The following IPO13 variants were observed in gnomAD, a reference collection of about 807,000 sequenced individuals.
IPO13 encodes importin 13, also known as importin-13.
Under a neutral mutation model 115.5 loss-of-function variants are expected in IPO13, and 28 were observed. That is an observed-to-expected ratio of 0.24 (90% CI 0.18 to 0.33). IPO13 has a LOEUF of 0.33. Ranked by LOEUF, IPO13 falls within the 10% of genes least tolerant of loss-of-function variation. The probability of loss-of-function intolerance (pLI) is 1.00; values close to 1 mark genes in which losing one functional copy is unlikely to be tolerated. For missense variants in IPO13, 785 were observed against 1,204.6 expected, an observed-to-expected ratio of 0.65 and a Z score of 5.16; for synonymous variants, 414 against 478.9, an observed-to-expected ratio of 0.86 and a Z score of 1.77.
chr1:43,948,877 C>T (rs2085186384), intron 1 of IPO13, among the ~76,000 whole-genome samples: 1 of 152,244 alleles, frequency 6.6e-6, no homozygotes, highest in Non-Finnish European at 1.5e-5. Context: ...TCTCCTCCAG[C>T]ATGTCTGCCC....
At position 43,966,554 on chromosome 1, in the gene IPO13, T is replaced by C. The variant is rs761894444; in HGVS notation, c.2398-21T>C. 3.0e-5 allele frequency: 49 copies of C among 1,613,134 alleles called. No individual in the cohort carries two copies. In the Admixed American group the frequency reaches 5.8e-4, roughly 19 times the overall value. On this transcript the variant is annotated intron_variant, in intron 15 of 19. Transcript: ENST00000372343. This position sits in a 1 kb window ranked among gnomAD's most constrained non-coding sequence, Gnocchi z 4.1. Reference sequence around the variant, plus strand: ...CCTTGGAGCTGGCTGGGGCTGGGCTTACCAGCTCCACCTCCTGCAGGCTCT... The same window carrying C: ...CCTTGGAGCTGGCTGGGGCTGGGCTCACCAGCTCCACCTCCTGCAGGCTCT...
rs1267900955 is a variant in IPO13, at chr1:43,956,798, T to C, written c.1105-12T>C. ...TGGTGAGGTGGCTAATTCTCTTCCC[T>C]GGCTCTCTCAGGATGATATTCTATC... On this transcript the variant is annotated splice_polypyrimidine_tract_variant and intron_variant, in intron 4 of 19. Transcript: ENST00000372343. This position sits in a 1 kb window ranked among gnomAD's most constrained non-coding sequence, Gnocchi z 4.7. 6.2e-7 allele frequency: 1 copy of C among 1,613,980 alleles called. No individual in the cohort carries two copies. Among genetic ancestry groups the C allele is most frequent in the East Asian group, 2.2e-5 (1 of 44,880 alleles).
intron 2 of IPO13, among the ~76,000 whole-genome samples, chr1:43,954,969 C>G (rs2085234068): frequency 6.6e-6 from 1 of 152,210 alleles, no homozygotes; most frequent in Admixed American, 6.5e-5. Flanking sequence ...TTCCACCTCC[C>G]ATTAAAGGTG....
Position 43,968,014 on chromosome 1 carries a change from C to T in IPO13, c.*332C>T, listed in dbSNP as rs2085338965. ...CCCCCCATCCCCATTAAATTAATCCCAACATGCATGTATGCATACATTTAT... is the reference window on the plus strand; with the variant it reads ...CCCCCCATCCCCATTAAATTAATCCTAACATGCATGTATGCATACATTTAT... On this transcript the variant is annotated 3_prime_UTR_variant, in exon 20 of 20. Coordinates refer to ENST00000372343, the MANE Select transcript of IPO13 (RefSeq NM_014652.4). 9.4e-6 allele frequency: 4 copies of T among 427,188 alleles called. No homozygotes were observed. Among genetic ancestry groups the T allele is most frequent in the Non-Finnish European group, 1.7e-5 (4 of 232,146 alleles). The allele number at this position is 427,188 out of a possible 1,614,324, so 26.5% of individuals were successfully genotyped here.
chr1:43,957,496 C>T lies in IPO13; in HGVS notation c.1487C>T (p.Pro496Leu). Residue 496 changes from proline (P) to leucine (L), a missense_variant, in exon 7 of 20, where the codon CCA becomes CTA. Around this residue, in one of 3 missense-constraint regions of IPO13, gnomAD observed 175 missense variants for 360.0 expected, o/e 0.49. Coordinates refer to ENST00000372343, the MANE Select transcript of IPO13 (RefSeq NM_014652.4). ...DVVPGLIGLI[P>L]RISISNVQLA... ...GTGCCTGGGCTCATTGGCCTCATCC[C>T]ACGGATCAGCATCAGCAACGTGCAG... 1 of 1,614,218 alleles carries T rather than the reference C, an allele frequency of 6.2e-7. No individual in the cohort carries two copies. The highest frequency in any genetic ancestry group is 8.5e-7 in the Non-Finnish European group (1 of 1,180,034).
intron 15 of IPO13, among the ~76,000 whole-genome samples, chr1:43,965,360 A>G (rs1462779899): frequency 2.6e-5 from 4 of 151,884 alleles, no homozygotes. Flanking sequence ...GGTACTGAGG[A>G]TATGATAGCG....
In IPO13 at chr1:43,966,692, G is replaced by A. The variant is rs553141026; in HGVS notation, c.2465-32G>A. On this transcript the variant is annotated intron_variant, in intron 16 of 19. Coordinates refer to ENST00000372343, the MANE Select transcript of IPO13 (RefSeq NM_014652.4). This position sits in a 1 kb window ranked among gnomAD's most constrained non-coding sequence, Gnocchi z 4.1. ...GGCCTGGGGCTCCCCTAGAAGGATC[G>A]TTAAACTGATCTGCCTCTGCCTTTC... The A allele has an allele frequency of 2.7e-5, 44 of 1,614,170 alleles. No homozygotes were observed. The highest frequency in any genetic ancestry group is 1.1e-4 in the East Asian group (5 of 44,890).
intron 2 of IPO13, among the ~76,000 whole-genome samples, chr1:43,955,009 T>C (rs1028160865): frequency 6.6e-6 from 1 of 152,150 alleles, no homozygotes; most frequent in African/African-American, 2.4e-5. Context: ...ACCCCACAGG[T>C]CTCAGTAAAT....
In IPO13 at chr1:43,949,635, A is replaced by G. The variant is rs754370368; in HGVS notation, c.303A>G (p.Leu101=). The change falls in exon 2 of 20, where the codon CTA becomes CTG. Residue 101 remains leucine, a synonymous_variant. Transcript: ENST00000372343. ...TCCCCACTGACCAGTATGAAAGCCT[A>G]AAGGCACAGCTCTTCACCCAGATCA... ...SDIPTDQYES[L]KAQLFTQITR... is the part of the protein sequence containing the mutation. The G allele has an allele frequency of 1.9e-6, 3 of 1,614,212 alleles. No homozygotes were observed. Among genetic ancestry groups the G allele is most frequent in the Non-Finnish European group, 8.5e-7 (1 of 1,180,044 alleles).
At chr1:43,953,431 C>G (rs1373411058) in intron 2 of IPO13, 1 of 152,306 alleles carries the variant, frequency 6.6e-6, no homozygotes, top group Non-Finnish European at 1.5e-5. Context: ...TCACAGGTCG[C>G]AGACACAGGT....
chr1:43,961,324 G>GGGGAT, intron 14 of IPO13, 62 bp downstream of exon 14: 1 of 1,385,550 alleles, frequency 7.2e-7, no homozygotes, highest in Non-Finnish European at 1.0e-6. Flanking sequence ...TTCCCCAAAT[G>GGGGAT]GGGAGCCAAA....
chr1:43,947,004 G>T lies in IPO13; in HGVS notation c.-597G>T. 2 of 398,708 alleles carry T rather than the reference G, an allele frequency of 5.0e-6. No homozygotes were observed. The highest frequency in any genetic ancestry group is 3.6e-5 in the East Asian group (1 of 28,072). The allele number at this position is 398,708 out of a possible 1,614,324, so 24.7% of individuals were successfully genotyped here. On this transcript the variant is annotated 5_prime_UTR_variant, in exon 1 of 20. Transcript: ENST00000372343. ...CAGCGGCTGTAGCGGGGCTGTAGCCGGGCGTTGAGCACAGCGCGGGCCAGG... is the reference window on the plus strand; with the variant it reads ...CAGCGGCTGTAGCGGGGCTGTAGCCTGGCGTTGAGCACAGCGCGGGCCAGG...
chr1:43,958,980 G>A lies in IPO13; in HGVS notation c.2028+91G>A, dbSNP rs2085271606. 2.4e-6 allele frequency: 3 copies of A among 1,273,396 alleles called. No homozygotes were observed. The highest frequency in any genetic ancestry group is 1.3e-5 in the South Asian group (1 of 76,184). 78.9% of individuals were successfully genotyped at this position (1,273,396 alleles called of 1,614,324 possible). A position where few individuals can be genotyped will look rare whatever the true frequency, so the allele number is the denominator to read the frequency against. ...AATGTCATTGTCACTCTTCAATTCTGTGGGTAATGTTGTCATTGTTCTCCC... is the reference window on the plus strand; with the variant it reads ...AATGTCATTGTCACTCTTCAATTCTATGGGTAATGTTGTCATTGTTCTCCC... On this transcript the variant is annotated intron_variant, in intron 11 of 19. Transcript: ENST00000372343. The surrounding 1 kb of genome is among the most constrained non-coding windows in gnomAD (Gnocchi z 6.3).
Position 43,958,803 on chromosome 1 carries a change from T to G in IPO13, c.1942T>G (p.Phe648Val). The stretch of plus-strand genomic sequence containing the variant: ...CATCTTGGGGCTTCTCTCCAACCTC[T>G]TCACCACACTGGACATCAGTCATCA... ...VHILGLLSNLFTTLDISHHED... is the reference protein window; with the variant it reads ...VHILGLLSNLVTTLDISHHED... Residue 648 changes from phenylalanine to valine, a missense_variant, in exon 11 of 20, where the codon TTC becomes GTC. Physicochemically the swap from Phe to Val is conservative, Grantham distance 50. This residue lies in a region of IPO13 where 175 missense variants were observed against 360.0 expected (regional missense o/e 0.49). Transcript: ENST00000372343. This position sits in a 1 kb window ranked among gnomAD's most constrained non-coding sequence, Gnocchi z 6.3. 6.2e-7 allele frequency: 1 copy of G among 1,614,110 alleles called. No individual in the cohort carries two copies. The highest frequency in any genetic ancestry group is 1.7e-5 in the Admixed American group (1 of 60,022).
At chr1:43,951,884 T>C (rs2085211768) in intron 2 of IPO13, among the ~76,000 whole-genome samples, 1 of 152,196 alleles carries the variant, frequency 6.6e-6, no homozygotes, top group South Asian at 2.1e-4. Flanking sequence ...GGATCAGCCA[T>C]TCCTAAGGCT....
rs2085170856 is a variant in IPO13 at position 43,947,015 on chromosome 1, A to G, written c.-586A>G. ...GCGGGGCTGTAGCCGGGCGTTGAGC[A>G]CAGCGCGGGCCAGGCCGAACGGAAG... On this transcript the variant is annotated 5_prime_UTR_variant, in exon 1 of 20. Coordinates refer to ENST00000372343, the MANE Select transcript of IPO13 (RefSeq NM_014652.4). The G allele has an allele frequency of 3.8e-5, 15 of 398,546 alleles. No individual in the cohort carries two copies. Among genetic ancestry groups the G allele is most frequent in the Non-Finnish European group, 4.4e-5 (10 of 226,070 alleles). The allele number at this position is 398,546 out of a possible 1,614,324, so 24.7% of individuals were successfully genotyped here.
intron 14 of IPO13, among the ~76,000 whole-genome samples, chr1:43,963,849 C>T (rs568675774): frequency 4.6e-5 from 7 of 152,212 alleles, no homozygotes; most frequent in Admixed American, 6.5e-5. Flanking sequence ...ACCCCCCCAC[C>T]GCCATCCCAG....
At chr1:43,954,356 A>G (rs1256351487) in intron 2 of IPO13, among the ~76,000 whole-genome samples, 1 of 152,190 alleles carries the variant, frequency 6.6e-6, no homozygotes, top group African/African-American at 2.4e-5. Context: ...TCCTACCAGA[A>G]TGGGGATGTG....
At chr1:43,965,164 A>T (rs1054196824) in intron 15 of IPO13, among the ~76,000 whole-genome samples, 2 of 152,010 alleles carry the variant, frequency 1.3e-5, no homozygotes, top group African/African-American at 4.8e-5. Context: ...TGTCTGTATC[A>T]GAGTATGGTT....
Sources: allele counts gnomAD v4.1 joint callset (sites outside exome capture counted in the v4.1 genomes callset), GRCh38; gene constraint gnomAD v4.1.1; regional missense constraint gnomAD v4.1.1; non-coding constraint Gnocchi (gnomAD v3.1); transcripts MANE v1.5; gene names NCBI Gene and HGNC (gene_info 2026-07-23, HGNC 2026-07-21).